The following HHAT variants were observed in gnomAD, a reference collection of about 807,000 sequenced individuals.
The protein encoded by HHAT is hedgehog acyltransferase.
In HHAT, 47 loss-of-function variants were observed where a neutral mutation model predicts 70.8. That is an observed-to-expected ratio of 0.66 (90% CI 0.53 to 0.85). HHAT has a LOEUF of 0.85. Ranked by LOEUF, HHAT falls within the 40% of genes least tolerant of loss-of-function variation. The probability of loss-of-function intolerance (pLI) is 0.00; values close to 1 mark genes in which losing one functional copy is unlikely to be tolerated. For missense variants in HHAT, 609 were observed against 604.8 expected, an observed-to-expected ratio of 1.01 and a Z score of -0.07; for synonymous variants, 228 against 247.6, an observed-to-expected ratio of 0.92 and a Z score of 0.74.
intron 9 of HHAT, among the ~76,000 whole-genome samples, chr1:210,530,301 T>G (rs927177678): frequency 4.6e-5 from 7 of 152,178 alleles, no homozygotes; most frequent in African/African-American, 1.7e-4. Flanking sequence ...AAATACATAT[T>G]CTAGTAAATA....
intron 4 of HHAT, among the ~76,000 whole-genome samples, chr1:210,388,697 A>G (rs1471115339): frequency 2.6e-5 from 4 of 152,174 alleles, no homozygotes. Context: ...AGTAATAAAT[A>G]TATCTACCTC....
At chr1:210,626,115 A>G (rs1262390077) in intron 11 of HHAT, among the ~76,000 whole-genome samples, 2 of 152,220 alleles carry the variant, frequency 1.3e-5, no homozygotes, top group Non-Finnish European at 2.9e-5. Context: ...ATGTGAGGCC[A>G]GGGGAGTAGA....
At chr1:210,639,141 A>G (rs1047016455) in intron 11 of HHAT, among the ~76,000 whole-genome samples, 63 of 152,088 alleles carry the variant, frequency 4.1e-4, no homozygotes, top group African/African-American at 1.5e-3. Flanking sequence ...TTATCCATTC[A>G]TCCATGCACC....
intron 7 of HHAT, among the ~76,000 whole-genome samples, chr1:210,448,647 C>T (rs6665981): frequency 0.35 from 52,594 of 152,022 alleles, 9,493 homozygotes; most frequent in South Asian, 0.47. Context: ...TAGCCATTCT[C>T]ATCCCAGCTT....
At chr1:210,329,319 G>A in intron 1 of HHAT, 1 of 1,217,694 alleles carries the variant, frequency 8.2e-7, no homozygotes, top group Non-Finnish European at 1.0e-6. Context: ...GGGCAAAGGC[G>A]GGGATCTAGG....
At chr1:210,570,950 G>A (rs535274813) in intron 9 of HHAT, among the ~76,000 whole-genome samples, 10 of 152,298 alleles carry the variant, frequency 6.6e-5, no homozygotes, top group African/African-American at 1.9e-4. Context: ...CTTAAACCCC[G>A]TGCTTTGCAG....
At chr1:210,603,247 G>A (rs1209113568) in intron 10 of HHAT, among the ~76,000 whole-genome samples, 2 of 151,964 alleles carry the variant, frequency 1.3e-5, no homozygotes, top group Non-Finnish European at 2.9e-5. Flanking sequence ...TCTCAGGAAC[G>A]AGTACTGAGC....
intron 9 of HHAT, among the ~76,000 whole-genome samples, chr1:210,562,498 G>T (rs1178406343): frequency 2.0e-5 from 3 of 152,062 alleles, no homozygotes; most frequent in Admixed American, 6.5e-5. Context: ...CTTTCCTTTT[G>T]CTTCTTTGAG....
At chr1:210,623,365 G>A (rs907925521) in intron 10 of HHAT, among the ~76,000 whole-genome samples, 161 bp from the exon 11 acceptor site, 1 of 152,120 alleles carries the variant, frequency 6.6e-6, no homozygotes, top group African/African-American at 2.4e-5. Flanking sequence ...GAGCTGCCAC[G>A]CCCAGACAGG....
chr1:210,464,906 G>T (rs1262851945), intron 8 of HHAT, among the ~76,000 whole-genome samples: 2 of 152,118 alleles, frequency 1.3e-5, no homozygotes, highest in Non-Finnish European at 2.9e-5. Flanking sequence ...ATGCACAAAG[G>T]GTTATGTTTG....
At chr1:210,469,021 C>G (rs918693843) in intron 8 of HHAT, among the ~76,000 whole-genome samples, 3 of 151,926 alleles carry the variant, frequency 2.0e-5, no homozygotes, top group African/African-American at 7.3e-5. Context: ...GCGAGCCTGG[C>G]GTATAGTAGG....
At chr1:210,387,353 C>T in intron 3 of HHAT, 115 bp from the exon 4 acceptor site, 1 of 832,466 alleles carries the variant, frequency 1.2e-6, no homozygotes. Context: ...TGTAAATCCT[C>T]TTTTACAGAG....
At chr1:210,415,459 C>CAAGT (rs1361452177) in intron 6 of HHAT, among the ~76,000 whole-genome samples, 3 of 152,170 alleles carry the variant, frequency 2.0e-5, no homozygotes, top group Non-Finnish European at 4.4e-5. Flanking sequence ...CTGATCAATA[C>CAAGT]AAGTCTGCAA....
At chr1:210,665,312 T>G (rs1678664959) in intron 11 of HHAT, among the ~76,000 whole-genome samples, 1 of 152,242 alleles carries the variant, frequency 6.6e-6, no homozygotes, top group African/African-American at 2.4e-5. Flanking sequence ...AGAGTTTGTC[T>G]TAGGAGGTGA....
At chr1:210,538,866 C>G (rs1407338920) in intron 9 of HHAT, among the ~76,000 whole-genome samples, 1 of 152,174 alleles carries the variant, frequency 6.6e-6, no homozygotes. Flanking sequence ...CACCTGAGAT[C>G]AGGAGTTTGA....
chr1:210,594,327 T>G (rs1662422911), intron 10 of HHAT, among the ~76,000 whole-genome samples: 1 of 152,208 alleles, frequency 6.6e-6, no homozygotes, highest in South Asian at 2.1e-4. Context: ...AGTGTGTTTT[T>G]TGATTTGAAA....
chr1:210,330,454 G>A (rs1255128224), intron 1 of HHAT, among the ~76,000 whole-genome samples: 1 of 151,172 alleles, frequency 6.6e-6, no homozygotes, highest in Admixed American at 6.6e-5. Context: ...GTACATGTCA[G>A]GGCCGGGTTT....
chr1:210,668,331 G>A (rs1334657792), intron 11 of HHAT, among the ~76,000 whole-genome samples: 3 of 152,162 alleles, frequency 2.0e-5, no homozygotes, highest in Non-Finnish European at 4.4e-5. Context: ...TGGTTTGGCT[G>A]TGTCCCCACC....
At chr1:210,660,178 C>A (rs1380618735) in intron 11 of HHAT, among the ~76,000 whole-genome samples, 1 of 152,160 alleles carries the variant, frequency 6.6e-6, no homozygotes, top group Admixed American at 6.5e-5. Flanking sequence ...ATTGTCTCAG[C>A]CGAAAATCTC....
Sources: gnomAD v4.1 joint callset for allele counts (sites outside exome capture counted in the v4.1 genomes callset) on GRCh38, gnomAD v4.1.1 for gene constraint, MANE v1.5 for transcripts, NCBI Gene and HGNC (gene_info 2026-07-23, HGNC 2026-07-21) for gene names.